U2SURP: variants seen among roughly 807,000 people sequenced by gnomAD.
The protein encoded by U2SURP is U2 snRNP-associated SURP motif-containing protein.
U2SURP carries 9 observed loss-of-function variants against 144.9 expected under a neutral mutation model. The ratio of observed to expected loss-of-function variants is 0.06; its 90% confidence interval spans 0.04 to 0.11. U2SURP has a LOEUF of 0.11. U2SURP is among the 10% of genes least tolerant of loss of function. U2SURP has a pLI of 1.00. For synonymous variants in U2SURP, 408 were observed against 396.8 expected (o/e 1.03, Z -0.33); for missense variants, 724 against 1,226.7 (o/e 0.59, Z 6.12).
At chr3:143,050,201 G>A (rs1478477416) in intron 24 of U2SURP, among the ~76,000 whole-genome samples, 1 of 152,100 alleles carries the variant, frequency 6.6e-6, no homozygotes, top group Non-Finnish European at 1.5e-5. Flanking sequence ...AGTCTCCCGA[G>A]TAGCTGGGAT....
chr3:143,036,761 C>T (rs1007401800), intron 20 of U2SURP: 1 of 160,182 alleles, frequency 6.2e-6, no homozygotes, highest in Non-Finnish European at 1.4e-5. Context: ...CCTTAGCCTT[C>T]TCTGACCTCT....
chr3:143,042,028 ATTTGTTC>A (rs979114997), intron 23 of U2SURP, among the ~76,000 whole-genome samples: 6 of 152,008 alleles, frequency 3.9e-5, no homozygotes, highest in Non-Finnish European at 8.8e-5. Context: ...TAAAAAAACC[ATTTGTTC>A]TTTGTGCTTC....
chr3:143,037,424 TTA>T, intron 21 of U2SURP, 89 bp downstream of exon 21: 1 of 1,247,852 alleles, frequency 8.0e-7, no homozygotes, highest in Non-Finnish European at 1.1e-6. Context: ...TGGAAAAAGG[TTA>T]TAGTTTCTCA....
In U2SURP at chr3:143,038,968, T is replaced by C. The variant is rs1248869490; in HGVS notation, c.2384+8T>C. 5 of 1,510,066 alleles carry C rather than the reference T, an allele frequency of 3.3e-6. No homozygotes were observed. The South Asian group carries it at 6.4e-5, about 19-fold the overall frequency. 93.5% of individuals were successfully genotyped at this position (1,510,066 alleles called of 1,614,324 possible). ...AGAAGAAGAAAATCAAAAGTAAGAA[T>C]CTAAGTTTTGAATATACTGTTTCTT... On this transcript the variant is annotated splice_region_variant and intron_variant, in intron 23 of 27. Transcript: ENST00000473835.
chr3:143,057,765 G>T lies in U2SURP; in HGVS notation c.*1315G>T, dbSNP rs1231748811. 1 of 151,378 alleles carries T rather than the reference G, an allele frequency of 6.6e-6. No individual in the cohort carries two copies. The highest frequency in any genetic ancestry group is 1.5e-5 in the Non-Finnish European group (1 of 67,686). The allele number at this position is 151,378 out of a possible 1,614,324, so 9.4% of individuals were successfully genotyped here. A position where few individuals can be genotyped will look rare whatever the true frequency, so the allele number is the denominator to read the frequency against. ...GAAAGTAGAAAACTATTCTAACAAT[G>T]GATTATTTTGATTTAGCTTGCTTTT... On this transcript the variant is annotated 3_prime_UTR_variant, in exon 28 of 28. Transcript: ENST00000473835.
At chr3:143,006,694 A>G in intron 1 of U2SURP, among the ~76,000 whole-genome samples, 1 of 152,166 alleles carries the variant, frequency 6.6e-6, no homozygotes, top group Non-Finnish European at 1.5e-5. Context: ...GAGAGCCGAG[A>G]TCATGCCATT....
At chr3:143,027,787 T>TACTACTA (rs983897431) in intron 14 of U2SURP, among the ~76,000 whole-genome samples, 5 of 152,200 alleles carry the variant, frequency 3.3e-5, no homozygotes, top group African/African-American at 1.2e-4. Context: ...ACAGTTTTAG[T>TACTACTA]AATCAGAGTA....
intron 17 of U2SURP, 124 bp downstream of exon 17, chr3:143,033,070 G>A: frequency 9.4e-6 from 11 of 1,173,228 alleles, no homozygotes; most frequent in Non-Finnish European, 1.3e-5. Context: ...TGTTATTTCT[G>A]CTTGGAAATT....
chr3:143,054,203 C>T (rs986321748), intron 26 of U2SURP, among the ~76,000 whole-genome samples: 2 of 152,202 alleles, frequency 1.3e-5, no homozygotes, highest in Non-Finnish European at 2.9e-5. Flanking sequence ...AGGTTGTATA[C>T]ATAGGCCAAA....
At chr3:143,036,294 T>A (rs1933804531) in intron 20 of U2SURP, among the ~76,000 whole-genome samples, 190 bp downstream of exon 20, 1 of 152,202 alleles carries the variant, frequency 6.6e-6, no homozygotes, top group African/African-American at 2.4e-5. Context: ...ATTCTCTGTC[T>A]TGTGTCCTTA....
intron 14 of U2SURP, among the ~76,000 whole-genome samples, chr3:143,027,797 A>G (rs1408732205): frequency 6.6e-6 from 1 of 152,198 alleles, no homozygotes; most frequent in Non-Finnish European, 1.5e-5. Context: ...TAATCAGAGT[A>G]GAATGTATTG....
chr3:143,047,976 C>G (rs1381477226), intron 24 of U2SURP, among the ~76,000 whole-genome samples: 1 of 152,050 alleles, frequency 6.6e-6, no homozygotes, highest in Admixed American at 6.5e-5. Flanking sequence ...GTTTCCTTTT[C>G]TTATTCTACT....
chr3:143,048,370 CTCTT>C (rs542650621), intron 24 of U2SURP, among the ~76,000 whole-genome samples: 38 of 152,298 alleles, frequency 2.5e-4, no homozygotes, highest in African/African-American at 8.7e-4. Context: ...TGTTGTTTGA[CTCTT>C]TCTAACGCAA....
chr3:143,034,191 G>T (rs1020236781), intron 18 of U2SURP, among the ~76,000 whole-genome samples: 1 of 152,184 alleles, frequency 6.6e-6, no homozygotes, highest in South Asian at 2.1e-4. Flanking sequence ...ATTACCTGAG[G>T]TCAGAAGTTC....
intron 27 of U2SURP, among the ~76,000 whole-genome samples, chr3:143,055,452 A>T (rs989258939): frequency 6.6e-6 from 1 of 152,194 alleles, no homozygotes; most frequent in African/African-American, 2.4e-5. Context: ...AAGCTGAAAG[A>T]AACACACATT....
Position 143,056,297 on chromosome 3 carries a change from T to G in U2SURP, c.2952-15T>G. ...AGTACTTTATCAATTGGGATTTTTTTGTTTGTTTCCTTAGATCACCATCTG... is the reference window on the plus strand; with the variant it reads ...AGTACTTTATCAATTGGGATTTTTTGGTTTGTTTCCTTAGATCACCATCTG... On this transcript the variant is annotated splice_polypyrimidine_tract_variant and intron_variant, in intron 27 of 27. Transcript: ENST00000473835. The G allele has an allele frequency of 1.3e-6, 2 of 1,587,954 alleles. No individual in the cohort carries two copies. The highest frequency in any genetic ancestry group is 2.3e-5 in the South Asian group (2 of 87,714).
At chr3:143,056,189 A>C in intron 27 of U2SURP, 123 bp from the exon 28 acceptor site, 1 of 1,002,626 alleles carries the variant, frequency 1.0e-6, no homozygotes, top group Non-Finnish European at 1.4e-6. Context: ...TTAGAAGTTC[A>C]TAGTCTTATT....
Position 143,043,217 on chromosome 3 carries a change from A to G in U2SURP, c.2485A>G (p.Lys829Glu). 6.2e-7 allele frequency: 1 copy of G among 1,604,390 alleles called. No homozygotes were observed. Among genetic ancestry groups the G allele is most frequent in the Non-Finnish European group, 8.5e-7 (1 of 1,174,824 alleles). Residue 829 changes from lysine to glutamate, a missense_variant, in exon 24 of 28, where the codon AAG becomes GAG. This residue lies in a region of U2SURP where 18 missense variants were observed against 48.8 expected (regional missense o/e 0.37). Coordinates refer to ENST00000473835, the MANE Select transcript of U2SURP (RefSeq NM_001080415.2). ...AATCAAAGAAGAAATGACTGAGTCT[A>G]AGTTCTCTAAGTACTCTGAAATGAG... ...NPIKEEMTES[K>E]FSKYSEMSEE...
rs1935300562 is a variant in U2SURP, at chr3:143,059,750, G to A, written c.*3300G>A. ...CTTTGTTGTTTTCCTCTTCTATTAA[G>A]TTTTAGTGAAAAGCCTAATTACAGA... On this transcript the variant is annotated 3_prime_UTR_variant, in exon 28 of 28. Coordinates refer to ENST00000473835, the MANE Select transcript of U2SURP (RefSeq NM_001080415.2). The A allele has an allele frequency of 6.6e-6, 1 of 151,862 alleles. No homozygotes were observed. The highest frequency in any genetic ancestry group is 2.4e-5 in the African/African-American group (1 of 41,416). The allele number at this position is 151,862 out of a possible 1,614,324, so 9.4% of individuals were successfully genotyped here.
Sources: gnomAD v4.1 joint callset for allele counts (sites outside exome capture counted in the v4.1 genomes callset) on GRCh38, gnomAD v4.1.1 for gene constraint, gnomAD v4.1.1 regional missense constraint, MANE v1.5 for transcripts, NCBI Gene and HGNC (gene_info 2026-07-23, HGNC 2026-07-21) for gene names.